PCDH15: variants seen among roughly 807,000 people sequenced by gnomAD.
The protein encoded by PCDH15 is protocadherin related 15, also known as protocadherin-15.
Under a neutral mutation model 178.5 loss-of-function variants are expected in PCDH15, and 129 were observed. The observed-to-expected ratio is 0.72, with a 90% CI of 0.63 to 0.84. The LOEUF (loss-of-function observed/expected upper bound fraction) is 0.84, where lower values mean the gene tolerates loss of function less well. Ranked by LOEUF, PCDH15 falls within the 40% of genes least tolerant of loss-of-function variation. The pLI, the probability that PCDH15 is intolerant of heterozygous loss-of-function variation, is 0.00. For missense variants in PCDH15, 2,230 were observed against 2,099.9 expected, an observed-to-expected ratio of 1.06 and a Z score of -1.21; for synonymous variants, 800 against 732.0, an observed-to-expected ratio of 1.09 and a Z score of -1.50.
chr10:54,221,923 G>A (rs879667327), intron 9 of PCDH15, among the ~76,000 whole-genome samples: 11 of 152,164 alleles, frequency 7.2e-5, no homozygotes, highest in Non-Finnish European at 1.0e-4. Context: ...TATTCTTTTC[G>A]TAGGTGTGTC....
intron 3 of PCDH15, among the ~76,000 whole-genome samples, chr10:54,389,166 A>AAAAC (rs150978276): frequency 1.4e-3 from 5 of 3,646 alleles, no homozygotes; most frequent in Non-Finnish European, 3.3e-3. Context: ...AAAACAAAAC[A>AAAAC]AAAAAAAACT....
At chr10:53,951,301 A>T (rs1219021184) in intron 23 of PCDH15, among the ~76,000 whole-genome samples, 1 of 152,158 alleles carries the variant, frequency 6.6e-6, no homozygotes, top group Non-Finnish European at 1.5e-5. Context: ...TATTACCCGG[A>T]CTTAATTCAT....
chr10:54,365,324 AG>A (rs1946632918), intron 5 of PCDH15, among the ~76,000 whole-genome samples: 1 of 152,182 alleles, frequency 6.6e-6, no homozygotes, highest in Admixed American at 6.6e-5. Context: ...AGCTTACCAC[AG>A]TGCTCATAAT....
chr10:54,923,555 T>C (rs140363176), intron 2 of PCDH15, among the ~76,000 whole-genome samples: 1 of 138,180 alleles, frequency 7.2e-6, no homozygotes, highest in African/African-American at 2.5e-5. Flanking sequence ...ACATGTGAGC[T>C]TATGCTCTTA....
chr10:54,356,351 G>A (rs1944970540), intron 5 of PCDH15, among the ~76,000 whole-genome samples: 1 of 151,828 alleles, frequency 6.6e-6, no homozygotes, highest in Admixed American at 6.6e-5. Flanking sequence ...GAAGTATTGT[G>A]GAAATGCTAA....
chr10:54,814,826 G>T (rs1952922640), intron 3 of PCDH15, among the ~76,000 whole-genome samples: 1 of 152,028 alleles, frequency 6.6e-6, no homozygotes, highest in Admixed American at 6.6e-5. Context: ...GGCATAAATG[G>T]CCAAATATGT....
At chr10:55,382,597 T>C (rs979068539) in intron 2 of PCDH15, among the ~76,000 whole-genome samples, 1 of 152,212 alleles carries the variant, frequency 6.6e-6, no homozygotes, top group African/African-American at 2.4e-5. Flanking sequence ...GAGACACGTG[T>C]TGGATTATAT....
intron 8 of PCDH15, among the ~76,000 whole-genome samples, chr10:54,312,933 TA>T (rs953187806): frequency 7.9e-5 from 12 of 151,950 alleles, no homozygotes; most frequent in Non-Finnish European, 1.2e-4. Context: ...GTACATGAAA[TA>T]AAAAAATAAA....
chr10:55,082,660 T>C (rs542680518), intron 2 of PCDH15, among the ~76,000 whole-genome samples: 4 of 148,292 alleles, frequency 2.7e-5, no homozygotes, highest in Admixed American at 2.7e-4. Context: ...AATCTTGAAT[T>C]AAACTAAAAA....
intron 13 of PCDH15, among the ~76,000 whole-genome samples, chr10:54,177,685 A>G (rs2047572741): frequency 6.6e-6 from 1 of 152,182 alleles, no homozygotes; most frequent in Non-Finnish European, 1.5e-5. Flanking sequence ...GTATGCAGGT[A>G]AAGCAGAGGG....
At chr10:54,210,641 G>A (rs939405398) in intron 10 of PCDH15, among the ~76,000 whole-genome samples, 2 of 152,046 alleles carry the variant, frequency 1.3e-5, no homozygotes, top group African/African-American at 4.8e-5. Context: ...GATTCAGGAA[G>A]AGGGAGAGTA....
chr10:53,990,886 G>A lies in PCDH15; in HGVS notation c.2868+4763C>T, dbSNP rs577868941. Among the ~76,000 whole-genome samples the A allele has an allele frequency of 9.5e-4, 144 of 152,234 alleles. 1 individual carries two copies. The highest frequency in any genetic ancestry group is 3.4e-3 in the Middle Eastern group (1 of 294). ...ACGAGTTCCAGGTGGGTGTGGGCTTGGCGGGCCCCACACTCCGAGCGGCCG... is the reference window on the plus strand; with the variant it reads ...ACGAGTTCCAGGTGGGTGTGGGCTTAGCGGGCCCCACACTCCGAGCGGCCG... On this transcript the variant is annotated intron_variant, in intron 21 of 37. Transcript: ENST00000644397.
At chr10:54,565,768 A>G (rs2088931956) in intron 2 of PCDH15, among the ~76,000 whole-genome samples, 1 of 152,222 alleles carries the variant, frequency 6.6e-6, no homozygotes, top group African/African-American at 2.4e-5. Context: ...CAGTAGAAAT[A>G]ACTATGAGAT....
intron 3 of PCDH15, among the ~76,000 whole-genome samples, chr10:54,411,129 T>C (rs1266782462): frequency 6.6e-6 from 1 of 152,146 alleles, no homozygotes; most frequent in Non-Finnish European, 1.5e-5. Flanking sequence ...CCATAACAGG[T>C]ATGATCTAGG....
At chr10:54,046,000 G>T (rs2135560312) in intron 18 of PCDH15, among the ~76,000 whole-genome samples, 1 of 152,028 alleles carries the variant, frequency 6.6e-6, no homozygotes, top group Non-Finnish European at 1.5e-5. Context: ...CATTCAAGAA[G>T]AAAACACATT....
chr10:53,831,302 C>G lies in PCDH15; in HGVS notation c.4202+13G>C, dbSNP rs1443233585. 16 of 1,612,974 alleles carry G rather than the reference C, an allele frequency of 9.9e-6. No homozygotes were observed. The highest frequency in any genetic ancestry group is 1.3e-5 in the Non-Finnish European group (15 of 1,179,072). On this transcript the variant is annotated intron_variant, in intron 30 of 37. Transcript: ENST00000644397. ...TGAGGAACTATCCAGGTTTACCATC[C>G]TTGAATACTTACTGTCTGTAGCTGA...
intron 8 of PCDH15, among the ~76,000 whole-genome samples, chr10:54,292,818 C>A (rs1345875479): frequency 6.6e-6 from 1 of 151,586 alleles, no homozygotes; most frequent in Non-Finnish European, 1.5e-5. Flanking sequence ...ATATAAAAGA[C>A]ACAAAAATAT....
At chr10:54,792,057 C>T (rs1166037905) in intron 1 of PCDH15, among the ~76,000 whole-genome samples, 1 of 151,854 alleles carries the variant, frequency 6.6e-6, no homozygotes, top group Non-Finnish European at 1.5e-5. Flanking sequence ...GGGCCAACAA[C>T]AACATGGCAG....
In PCDH15 at chr10:54,799,657, G is replaced by A. The variant is rs545107124; in HGVS notation, c.-29+1268C>T. Among the ~76,000 whole-genome samples the A allele has an allele frequency of 8.5e-5, 13 of 152,068 alleles. No individual in the cohort carries two copies. In the South Asian group the frequency reaches 2.7e-3, roughly 32 times the overall value. On this transcript the variant is annotated intron_variant, in intron 1 of 37. Coordinates refer to ENST00000644397, the MANE Select transcript of PCDH15 (RefSeq NM_001384140.1). ...CAGCACATAATTGCAACAGCTGAGG[G>A]GTTAGGAGGTCGCCACTCAGTGGAA...
Sources: allele counts gnomAD v4.1 joint callset (sites outside exome capture counted in the v4.1 genomes callset), GRCh38; gene constraint gnomAD v4.1.1; transcripts MANE v1.5; gene names NCBI Gene and HGNC (gene_info 2026-07-23, HGNC 2026-07-21).